Variants in LRRTM4 observed in about 807,000 individuals in gnomAD.
LRRTM4 encodes the protein leucine rich repeat transmembrane neuronal 4, also known as leucine-rich repeat transmembrane neuronal protein 4.
LRRTM4 carries 25 observed loss-of-function variants against 47.6 expected under a neutral mutation model. The observed-to-expected ratio is 0.53, with a 90% confidence interval of 0.38 to 0.73. The LOEUF is 0.73. Ranked by LOEUF, LRRTM4 falls within the 30% of genes least tolerant of loss-of-function variation. The pLI, the probability that LRRTM4 is intolerant of heterozygous loss-of-function variation, is 0.00. For missense variants in LRRTM4, 638 were observed against 713.4 expected (o/e 0.89, Z 1.20); for synonymous variants, 311 against 269.5 (o/e 1.15, Z -1.51).
At chr2:77,222,039 A>G (rs1674651196) in intron 3 of LRRTM4, among the ~76,000 whole-genome samples, 1 of 152,214 alleles carries the variant, frequency 6.6e-6, no homozygotes, top group South Asian at 2.1e-4. Flanking sequence ...ACTAGAACTC[A>G]GGATTAAGAA....
chr2:77,486,463 G>T (rs911178439), intron 3 of LRRTM4, among the ~76,000 whole-genome samples: 5 of 151,918 alleles, frequency 3.3e-5, no homozygotes, highest in African/African-American at 1.2e-4. Flanking sequence ...TACTCATTTT[G>T]CACACATATT....
chr2:76,951,383 A>C (rs1405575377), intron 3 of LRRTM4, among the ~76,000 whole-genome samples: 4 of 151,992 alleles, frequency 2.6e-5, no homozygotes, highest in Middle Eastern at 3.4e-3. Context: ...AAAACAATTT[A>C]TTTCTTTTAA....
chr2:77,170,056 T>G (rs1449470045), intron 3 of LRRTM4, among the ~76,000 whole-genome samples: 2 of 152,138 alleles, frequency 1.3e-5, no homozygotes, highest in Non-Finnish European at 2.9e-5. Flanking sequence ...TCCTCTAAGA[T>G]GTTGGGGTCC....
intron 3 of LRRTM4, among the ~76,000 whole-genome samples, chr2:77,468,405 C>A (rs915479295): frequency 2.6e-5 from 4 of 152,090 alleles, no homozygotes; most frequent in African/African-American, 9.7e-5. Flanking sequence ...TACAAGAAGA[C>A]AAGAATGGGC....
At chr2:77,483,591 T>C (rs2104024619) in intron 3 of LRRTM4, among the ~76,000 whole-genome samples, 1 of 152,304 alleles carries the variant, frequency 6.6e-6, no homozygotes, top group Middle Eastern at 3.4e-3. Context: ...TCTACCCGTC[T>C]CGGCCTCCCA....
chr2:77,203,915 A>C (rs886722568), intron 3 of LRRTM4, among the ~76,000 whole-genome samples: 2 of 152,176 alleles, frequency 1.3e-5, no homozygotes, highest in African/African-American at 4.8e-5. Flanking sequence ...TCTGAGGTAA[A>C]GTTCATTTTC....
At chr2:77,452,860 C>G (rs2103955011) in intron 3 of LRRTM4, among the ~76,000 whole-genome samples, 1 of 152,200 alleles carries the variant, frequency 6.6e-6, no homozygotes, top group South Asian at 2.1e-4. Flanking sequence ...ACTGGAAAAG[C>G]TGAAACATAC....
intron 3 of LRRTM4, among the ~76,000 whole-genome samples, chr2:77,099,233 T>G (rs2103906479): frequency 6.6e-6 from 1 of 152,044 alleles, no homozygotes; most frequent in Admixed American, 6.6e-5. Context: ...CTCTATAGAA[T>G]AATGAAAACA....
chr2:77,343,981 C>T (rs562351887), intron 3 of LRRTM4, among the ~76,000 whole-genome samples: 16 of 151,406 alleles, frequency 1.1e-4, no homozygotes, highest in Non-Finnish European at 1.5e-4. Flanking sequence ...AGAAATAGAA[C>T]GAAGGATACG....
intron 3 of LRRTM4, among the ~76,000 whole-genome samples, chr2:77,273,829 G>A (rs1021390613): frequency 6.6e-6 from 1 of 152,060 alleles, no homozygotes; most frequent in Non-Finnish European, 1.5e-5. Context: ...ATCATGTATT[G>A]ATTGACTTTA....
At chr2:76,850,452 G>T (rs986676146) in intron 3 of LRRTM4, among the ~76,000 whole-genome samples, 5 of 152,150 alleles carry the variant, frequency 3.3e-5, no homozygotes, top group Non-Finnish European at 7.4e-5. Context: ...GTTGAACAAA[G>T]AAATGATTAG....
chr2:77,085,125 C>A (rs1253689688), intron 3 of LRRTM4, among the ~76,000 whole-genome samples: 1 of 151,950 alleles, frequency 6.6e-6, no homozygotes, highest in African/African-American at 2.4e-5. Context: ...GTTAAATGGG[C>A]TAGTTTTAGA....
At chr2:77,069,401 A>ATGTGTGTGTGTGTG (rs3058064) in intron 3 of LRRTM4, among the ~76,000 whole-genome samples, 279 of 141,546 alleles carry the variant, frequency 2.0e-3, no homozygotes, top group African/African-American at 6.6e-3. Context: ...ACATTTCACT[A>ATGTGTGTGTGTGTG]TGTGTGTGTG....
At chr2:77,029,499 G>A (rs1678578045) in intron 3 of LRRTM4, among the ~76,000 whole-genome samples, 1 of 152,006 alleles carries the variant, frequency 6.6e-6, no homozygotes, top group Admixed American at 6.6e-5. Flanking sequence ...AAAGATGAAG[G>A]CCAGAAAATT....
At chr2:77,034,288 C>A (rs1366630751) in intron 3 of LRRTM4, among the ~76,000 whole-genome samples, 4 of 151,860 alleles carry the variant, frequency 2.6e-5, no homozygotes. Context: ...CAGAATTTTG[C>A]CAGCTTTCTA....
chr2:76,997,472 T>A (rs1316164378), intron 3 of LRRTM4, among the ~76,000 whole-genome samples: 2 of 152,092 alleles, frequency 1.3e-5, no homozygotes, highest in East Asian at 3.9e-4. Flanking sequence ...GAAATATGAA[T>A]CTGAAACCCT....
intron 3 of LRRTM4, among the ~76,000 whole-genome samples, chr2:77,418,999 T>C (rs974163996): frequency 6.6e-6 from 1 of 152,196 alleles, no homozygotes; most frequent in East Asian, 1.9e-4. Flanking sequence ...TTATTGATTA[T>C]ATGTTTCTGC....
rs1256138550 is a variant in LRRTM4, at chr2:77,491,797, C to T, written c.1551+26521G>A. ...ATTATTTATCTTTCTTCATTTTTCA[C>T]TCTTTTAAATGTGGGAGACATCAGA... On this transcript the variant is annotated intron_variant, in intron 3 of 3. Transcript: ENST00000409884. Among the ~76,000 whole-genome samples the T allele has an allele frequency of 3.3e-5, 5 of 151,912 alleles. No homozygotes were observed. In the East Asian group the frequency reaches 9.7e-4, roughly 29 times the overall value.
intron 3 of LRRTM4, among the ~76,000 whole-genome samples, chr2:77,040,668 A>G (rs1334116758): frequency 6.6e-6 from 1 of 151,348 alleles, no homozygotes; most frequent in African/African-American, 2.4e-5. Context: ...TGACATATAT[A>G]TTGGGCTGAT....
Sources: allele counts gnomAD v4.1 joint callset (sites outside exome capture counted in the v4.1 genomes callset), GRCh38; gene constraint gnomAD v4.1.1; transcripts MANE v1.5; gene names NCBI Gene and HGNC (gene_info 2026-07-23, HGNC 2026-07-21).